COL27A1: variants seen among roughly 807,000 people sequenced by gnomAD.
COL27A1 encodes collagen alpha-1(XXVII) chain.
In COL27A1, 106 loss-of-function variants were observed where a neutral mutation model predicts 251.3. The ratio of observed to expected loss-of-function variants is 0.42; its 90% CI spans 0.36 to 0.50. The LOEUF (loss-of-function observed/expected upper bound fraction) is 0.50, where lower values mean the gene tolerates loss of function less well. Ranked by LOEUF, COL27A1 falls within the 20% of genes least tolerant of loss-of-function variation. COL27A1 has a pLI of 0.00. For missense variants in COL27A1, 2,325 were observed against 2,522.8 expected (o/e 0.92, Z 1.68); for synonymous variants, 1,000 against 986.3 (o/e 1.01, Z -0.26).
chr9:114,211,072 C>T, intron 12 of COL27A1, 46 bp downstream of exon 12: 2 of 1,600,062 alleles, frequency 1.2e-6, no homozygotes, highest in Non-Finnish European at 1.7e-6. Flanking sequence ...CGGGGAACCC[C>T]ACCTCCCACG....
Position 114,194,465 on chromosome 9 carries a change from T to C in COL27A1, c.2070+8T>C. On this transcript the variant is annotated splice_region_variant and intron_variant, in intron 6 of 60. Transcript: ENST00000356083. ...GCCCACGATGGGGCAAAGGTAGGTT[T>C]CCAGGGACCCCAGTTCTCAGGGAAG... 1.2e-6 allele frequency: 2 copies of C among 1,611,036 alleles called. No homozygotes were observed. The highest frequency in any genetic ancestry group is 1.7e-6 in the Non-Finnish European group (2 of 1,178,360).
chr9:114,208,054 T>C (rs968730094), intron 10 of COL27A1, among the ~76,000 whole-genome samples: 7 of 152,140 alleles, frequency 4.6e-5, no homozygotes, highest in Non-Finnish European at 7.4e-5. Context: ...TGAATACCAG[T>C]TCTACCACAT....
intron 27 of COL27A1, among the ~76,000 whole-genome samples, chr9:114,253,317 A>AGAAAGAAAGAAAGAAAGAAAGAAAGAG (rs1833680850): frequency 6.7e-6 from 1 of 149,900 alleles, no homozygotes; most frequent in Non-Finnish European, 1.5e-5. Flanking sequence ...GAAAGAAAGA[A>AGAAAGAAAGAAAGAAAGAAAGAAAGAG]AGAGAGAGGA....
chr9:114,307,070 C>G (rs1829104326), intron 58 of COL27A1: 1 of 212,522 alleles, frequency 4.7e-6, no homozygotes. Context: ...GCCAGACAGA[C>G]CTGAGTTCCA....
chr9:114,238,854 C>T (rs1008481716), intron 19 of COL27A1, among the ~76,000 whole-genome samples: 3 of 152,146 alleles, frequency 2.0e-5, no homozygotes, highest in Admixed American at 6.5e-5. Flanking sequence ...TGAATCGCCA[C>T]GACAGCCGCA....
At chr9:114,219,646 C>A in intron 12 of COL27A1, 145 bp from the exon 13 acceptor site, 1 of 616,760 alleles carries the variant, frequency 1.6e-6, no homozygotes, top group South Asian at 2.1e-5. Flanking sequence ...TAGGGGTGAC[C>A]TCAGGACCGC....
intron 37 of COL27A1, among the ~76,000 whole-genome samples, chr9:114,279,593 C>T (rs1007391390): frequency 6.6e-6 from 1 of 152,196 alleles, no homozygotes; most frequent in African/African-American, 2.4e-5. Context: ...AGTCCCAGCA[C>T]TTTAGGCAGC....
chr9:114,267,962 G>A (rs1485272270), intron 34 of COL27A1, among the ~76,000 whole-genome samples: 1 of 152,212 alleles, frequency 6.6e-6, no homozygotes, highest in Non-Finnish European at 1.5e-5. Flanking sequence ...CAGAGCTGAT[G>A]AGTGATGCTG....
At chr9:114,228,311 C>T (rs58901436) in intron 14 of COL27A1, among the ~76,000 whole-genome samples, 2,067 of 152,316 alleles carry the variant, frequency 0.014, 51 homozygotes, top group African/African-American at 0.048. Context: ...CTCTGCCTGC[C>T]GCCCTGCCTG....
At chr9:114,205,552 C>T (rs1293954853) in intron 8 of COL27A1, among the ~76,000 whole-genome samples, 2 of 152,232 alleles carry the variant, frequency 1.3e-5, no homozygotes, top group Non-Finnish European at 2.9e-5. Context: ...TATTCCTGGG[C>T]TGCAAGCAGA....
intron 58 of COL27A1, chr9:114,307,378 C>T (rs1829129435): frequency 8.7e-6 from 3 of 346,498 alleles, no homozygotes; most frequent in Non-Finnish European, 1.1e-5. Flanking sequence ...TGCAAGTGAC[C>T]CAGCCTCTCT....
intron 8 of COL27A1, 54 bp from the exon 9 acceptor site, chr9:114,205,705 C>A: frequency 6.5e-7 from 1 of 1,535,330 alleles, no homozygotes; most frequent in Non-Finnish European, 9.0e-7. Context: ...TCCCCCAGAC[C>A]CAGAGCTGGG....
At chr9:114,246,290 T>A (rs1833127012) in intron 24 of COL27A1, among the ~76,000 whole-genome samples, 1 of 152,184 alleles carries the variant, frequency 6.6e-6, no homozygotes, top group South Asian at 2.1e-4. Flanking sequence ...AGAGAAGTGT[T>A]ACCACTTGCC....
chr9:114,299,571 C>G (rs940486348), intron 49 of COL27A1, among the ~76,000 whole-genome samples: 17 of 152,212 alleles, frequency 1.1e-4, no homozygotes, highest in Admixed American at 8.5e-4. Context: ...AGTTCCTGCC[C>G]TCTCTGAGCC....
chr9:114,270,050 G>T (rs144390455), intron 35 of COL27A1, among the ~76,000 whole-genome samples: 1 of 152,212 alleles, frequency 6.6e-6, no homozygotes, highest in Non-Finnish European at 1.5e-5. Context: ...TGTCATTCCC[G>T]AGCTTGCTGG....
At chr9:114,303,294 A>G (rs1828799193) in intron 56 of COL27A1, among the ~76,000 whole-genome samples, 2 of 139,482 alleles carry the variant, frequency 1.4e-5, no homozygotes, top group South Asian at 2.2e-4. Context: ...GCTGGAGTGC[A>G]GTGGCACGAT....
At chr9:114,183,543 C>T (rs890392385) in intron 5 of COL27A1, among the ~76,000 whole-genome samples, 3 of 151,950 alleles carry the variant, frequency 2.0e-5, no homozygotes, top group African/African-American at 7.3e-5. Context: ...GAGGCTAGTC[C>T]GGGCCAACTT....
chr9:114,229,892 G>A (rs934450961), intron 14 of COL27A1, among the ~76,000 whole-genome samples: 4 of 152,164 alleles, frequency 2.6e-5, no homozygotes, highest in Non-Finnish European at 1.5e-5. Context: ...ATGGTTATTC[G>A]TGGCGGGGGC....
Position 114,290,778 on chromosome 9 carries a change from A to C in COL27A1, c.4369-32A>C. 1 of 1,493,744 alleles carries C rather than the reference A, an allele frequency of 6.7e-7. No individual in the cohort carries two copies. The highest frequency in any genetic ancestry group is 1.2e-5 in the South Asian group (1 of 80,618). The allele number at this position is 1,493,744 out of a possible 1,614,324, so 92.5% of individuals were successfully genotyped here. A position where few individuals can be genotyped will look rare whatever the true frequency, so the allele number is the denominator to read the frequency against. On this transcript the variant is annotated intron_variant, in intron 47 of 60. Coordinates refer to ENST00000356083, the MANE Select transcript of COL27A1 (RefSeq NM_032888.4). The surrounding 1 kb of genome is among the most constrained non-coding windows in gnomAD (Gnocchi z 4.6). ...CTTCCTTGGCTGTATCGTGAAACAC[A>C]AGAGACCCTCCTCTGCCTGCTTTCT...
Sources: allele counts gnomAD v4.1 joint callset (sites outside exome capture counted in the v4.1 genomes callset), GRCh38; gene constraint gnomAD v4.1.1; non-coding constraint Gnocchi (gnomAD v3.1); transcripts MANE v1.5; gene names NCBI Gene and HGNC (gene_info 2026-07-23, HGNC 2026-07-21).